ROCK1: variants seen among roughly 807,000 people sequenced by gnomAD.
ROCK1 encodes Rho associated coiled-coil containing protein kinase 1, also known as rho-associated protein kinase 1.
A neutral mutation model predicts 196.8 loss-of-function variants in ROCK1; 36 were observed. That is an observed-to-expected ratio of 0.18 (90% confidence interval 0.14 to 0.24). The LOEUF (loss-of-function observed/expected upper bound fraction) is 0.24. Ranked by LOEUF, ROCK1 falls within the 10% of genes least tolerant of loss-of-function variation. ROCK1 has a pLI of 1.00. For missense variants in ROCK1, 920 were observed against 1,562.0 expected, an observed-to-expected ratio of 0.59 and a Z score of 6.93; for synonymous variants, 443 against 515.9, an observed-to-expected ratio of 0.86 and a Z score of 1.91.
intron 22 of ROCK1, among the ~76,000 whole-genome samples, chr18:20,977,153 T>C (rs2035487987): frequency 6.6e-6 from 1 of 152,212 alleles, no homozygotes; most frequent in Non-Finnish European, 1.5e-5. Context: ...AAAATACTTA[T>C]CAGTCACTAG....
chr18:21,049,943 T>C (rs1364628672), intron 2 of ROCK1, 63 bp from the exon 3 acceptor site: 7 of 770,862 alleles, frequency 9.1e-6, no homozygotes, highest in African/African-American at 3.7e-5. Context: ...CACTACTTAT[T>C]TTACATTCGA....
intron 11 of ROCK1, among the ~76,000 whole-genome samples, chr18:21,022,503 A>T (rs1414756674): frequency 6.6e-6 from 1 of 152,152 alleles, no homozygotes; most frequent in Non-Finnish European, 1.5e-5. Context: ...CATTGCCTGT[A>T]TTACTCTGTA....
intron 25 of ROCK1, chr18:20,968,486 T>C (rs2035395676): frequency 3.7e-6 from 1 of 269,442 alleles, no homozygotes; most frequent in East Asian, 8.0e-5. Context: ...TTTGTATTTT[T>C]AGTAGAGACT....
intron 6 of ROCK1, among the ~76,000 whole-genome samples, chr18:21,043,745 G>T (rs1390730411): frequency 6.6e-6 from 1 of 151,500 alleles, no homozygotes; most frequent in African/African-American, 2.4e-5. Flanking sequence ...ACACATTACT[G>T]GAATCCAATT....
At chr18:20,968,733 CA>C (rs779849900) in intron 25 of ROCK1, 38 bp downstream of exon 25, 1 of 1,238,488 alleles carries the variant, frequency 8.1e-7, no homozygotes, top group Admixed American at 1.7e-5. Context: ...ATGATTAACT[CA>C]AAAATGAACA....
chr18:21,027,550 A>T (rs989246582), intron 10 of ROCK1, among the ~76,000 whole-genome samples: 4 of 152,098 alleles, frequency 2.6e-5, no homozygotes, highest in South Asian at 2.1e-4. Context: ...CCCTCTTCTA[A>T]GTGCTGTACT....
intron 1 of ROCK1, among the ~76,000 whole-genome samples, chr18:21,106,008 G>A (rs1568411938): frequency 6.6e-6 from 1 of 152,128 alleles, no homozygotes; most frequent in Admixed American, 6.5e-5. Flanking sequence ...ACTAACACCA[G>A]AAATTTCATT....
chr18:21,013,536 G>A (rs978255123), intron 13 of ROCK1, among the ~76,000 whole-genome samples: 1 of 152,208 alleles, frequency 6.6e-6, no homozygotes, highest in Non-Finnish European at 1.5e-5. Flanking sequence ...TACCAACCCA[G>A]AAGGCAGTGG....
At chr18:21,063,993 G>A (rs1299665209) in intron 2 of ROCK1, among the ~76,000 whole-genome samples, 1 of 152,134 alleles carries the variant, frequency 6.6e-6, no homozygotes, top group Admixed American at 6.5e-5. Flanking sequence ...CCTTGATTTA[G>A]AGGTATTTAA....
chr18:20,956,503 T>C (rs1341623489), intron 29 of ROCK1, among the ~76,000 whole-genome samples: 9 of 152,190 alleles, frequency 5.9e-5, no homozygotes, highest in African/African-American at 1.7e-4. Flanking sequence ...CTCTGTGGAA[T>C]TGATCCCAAA....
At chr18:20,952,529 G>A (rs2143314876) in intron 32 of ROCK1, among the ~76,000 whole-genome samples, 1 of 152,140 alleles carries the variant, frequency 6.6e-6, no homozygotes, top group East Asian at 1.9e-4. Context: ...TGTAATCCCA[G>A]CACTTTGGGA....
chr18:20,952,062 A>G (rs560601662), intron 32 of ROCK1, among the ~76,000 whole-genome samples: 10 of 152,198 alleles, frequency 6.6e-5, no homozygotes, highest in Non-Finnish European at 1.0e-4. Flanking sequence ...GAACTTAATG[A>G]GATGAGATTT....
rs2035833220 is a variant in ROCK1 at position 21,013,170 on chromosome 18, G to GT, written c.1410+2260dup. 3.9e-5 allele frequency among the ~76,000 whole-genome samples: 6 copies of GT among 152,276 alleles called. No homozygotes were observed. In the South Asian group the frequency reaches 1.2e-3, roughly 32 times the overall value. On this transcript the variant is annotated intron_variant, in intron 13 of 32. Transcript: ENST00000399799. The stretch of plus-strand genomic sequence containing the variant: ...TTCCTAGTTCTGATTATGATGAGCA[G>GT]TTTGCTATTCAAACCTGGACATCAT...
At chr18:21,087,825 A>G (rs534051282) in intron 1 of ROCK1, among the ~76,000 whole-genome samples, 1 of 152,258 alleles carries the variant, frequency 6.6e-6, no homozygotes, top group Non-Finnish European at 1.5e-5. Flanking sequence ...ATTGACATTT[A>G]TATCACATTC....
chr18:21,036,862 T>A (rs950828660), intron 9 of ROCK1, among the ~76,000 whole-genome samples: 1 of 152,188 alleles, frequency 6.6e-6, no homozygotes, highest in African/African-American at 2.4e-5. Context: ...AATACTATGT[T>A]AAATACTAAA....
At chr18:21,075,567 C>T (rs2036422502) in intron 1 of ROCK1, among the ~76,000 whole-genome samples, 1 of 152,086 alleles carries the variant, frequency 6.6e-6, no homozygotes, top group Non-Finnish European at 1.5e-5. Context: ...CACTTAAATC[C>T]ATGAGAACAT....
At chr18:20,984,776 T>C (rs2035563162) in intron 19 of ROCK1, among the ~76,000 whole-genome samples, 1 of 152,104 alleles carries the variant, frequency 6.6e-6, no homozygotes, top group Non-Finnish European at 1.5e-5. Flanking sequence ...GGTTCCTTTC[T>C]ACCCCAATCA....
At chr18:20,992,262 G>A (rs1213204137) in intron 17 of ROCK1, among the ~76,000 whole-genome samples, 1 of 152,128 alleles carries the variant, frequency 6.6e-6, no homozygotes, top group Non-Finnish European at 1.5e-5. Flanking sequence ...TTTACCTGAG[G>A]TTCTATTGAA....
chr18:20,957,541 C>T (rs35077728), intron 29 of ROCK1, among the ~76,000 whole-genome samples: 5 of 151,652 alleles, frequency 3.3e-5, no homozygotes, highest in South Asian at 2.1e-4. Context: ...AGTGCAGTGG[C>T]GCAATCTTGG....
Sources: gnomAD v4.1 joint callset for allele counts (sites outside exome capture counted in the v4.1 genomes callset) on GRCh38, gnomAD v4.1.1 for gene constraint, MANE v1.5 for transcripts, NCBI Gene and HGNC (gene_info 2026-07-23, HGNC 2026-07-21) for gene names.